BIRC6: variants seen among roughly 807,000 people sequenced by gnomAD.
BIRC6 encodes the protein baculoviral IAP repeat containing 6, also known as dual E2 ubiquitin-conjugating enzyme/E3 ubiquitin-protein ligase BIRC6.
A neutral mutation model predicts 503.3 loss-of-function variants in BIRC6; 98 were observed. The observed-to-expected ratio is 0.19, with a 90% CI of 0.17 to 0.23. The LOEUF (loss-of-function observed/expected upper bound fraction) is 0.23, where lower values mean the gene tolerates loss of function less well. Ranked by LOEUF, BIRC6 falls within the 10% of genes least tolerant of loss-of-function variation. The probability of loss-of-function intolerance (pLI) is 1.00; values close to 1 mark genes in which losing one functional copy is unlikely to be tolerated. For missense variants in BIRC6, 5,360 were observed against 5,806.0 expected (o/e 0.92, Z 2.50); for synonymous variants, 2,240 against 2,078.7 (o/e 1.08, Z -2.11).
chr2:32,500,435 T>TC (rs1248822582), intron 46 of BIRC6, among the ~76,000 whole-genome samples: 3 of 150,628 alleles, frequency 2.0e-5, no homozygotes, highest in Non-Finnish European at 4.4e-5. Flanking sequence ...TTTTTTTTTT[T>TC]TACCCCGAGC....
chr2:32,602,168 C>T (rs773776196), intron 70 of BIRC6, among the ~76,000 whole-genome samples: 1 of 152,078 alleles, frequency 6.6e-6, no homozygotes. Flanking sequence ...TACAGAATAG[C>T]CAAGATACAG....
chr2:32,565,286 A>C (rs2059460476), intron 65 of BIRC6: 1 of 152,226 alleles, frequency 6.6e-6, no homozygotes, highest in African/African-American at 2.4e-5. Flanking sequence ...AGAAAGAGGA[A>C]GTTAGACACT....
At chr2:32,599,623 G>A in intron 69 of BIRC6, 116 bp from the exon 70 acceptor site, 1 of 1,028,666 alleles carries the variant, frequency 9.7e-7, no homozygotes. Flanking sequence ...GGGCGACAGA[G>A]TGGGACTCCA....
At chr2:32,602,771 CATATA>C (rs1281996451) in intron 70 of BIRC6, 1 of 417,866 alleles carries the variant, frequency 2.4e-6, no homozygotes, top group Non-Finnish European at 4.2e-6. Context: ...TTTGTGTTGA[CATATA>C]ATAGGTGCTG....
At chr2:32,557,121 A>T (rs1039295520) in intron 65 of BIRC6, among the ~76,000 whole-genome samples, 2 of 152,192 alleles carry the variant, frequency 1.3e-5, no homozygotes, top group Non-Finnish European at 2.9e-5. Context: ...TATCTTTACA[A>T]CTGCTTAACT....
At chr2:32,559,615 C>A (rs2059014807) in intron 65 of BIRC6, among the ~76,000 whole-genome samples, 2 of 151,104 alleles carry the variant, frequency 1.3e-5, no homozygotes. Context: ...ACCACCGGTA[C>A]ACATTAATTT....
intron 59 of BIRC6, chr2:32,527,362 C>G (rs1272255875): frequency 3.9e-5 from 6 of 152,204 alleles, no homozygotes; most frequent in Non-Finnish European, 8.8e-5. Context: ...AATGTTTATG[C>G]CATGTACTTT....
intron 37 of BIRC6, among the ~76,000 whole-genome samples, chr2:32,479,908 T>A (rs188099225): frequency 2.2e-3 from 339 of 152,290 alleles, no homozygotes; most frequent in South Asian, 6.8e-3. Context: ...AGACAGCAGT[T>A]TTAAAAGCTC....
Position 32,478,759 on chromosome 2 carries a change from C to G in BIRC6, c.7193C>G (p.Ser2398Cys). The G allele has an allele frequency of 6.2e-7, 1 of 1,613,816 alleles. No homozygotes were observed. The highest frequency in any genetic ancestry group is 1.1e-5 in the South Asian group (1 of 91,056). ...VGTDFNRGDI[S>C]WGGAWAQYSL... Reference sequence around the variant, plus strand: ...ACTGACTTCAATAGAGGAGATATATCTTGGGGTGGTGCTTGGGCTCAGTAT... The same window carrying G: ...ACTGACTTCAATAGAGGAGATATATGTTGGGGTGGTGCTTGGGCTCAGTAT... Residue 2398 changes from serine to cysteine, a missense_variant, in exon 36 of 74, where the codon TCT (serine) becomes TGT (cysteine). By Grantham distance (112) the Ser-to-Cys change is moderately radical (BLOSUM62 -1). Transcript: ENST00000421745.
chr2:32,588,668 T>TGAG (rs1379188860), intron 66 of BIRC6, among the ~76,000 whole-genome samples: 2 of 152,196 alleles, frequency 1.3e-5, no homozygotes, highest in East Asian at 3.8e-4. Context: ...TCCCCATTTA[T>TGAG]GAGTATTGTT....
At chr2:32,573,854 TA>T (rs1287500306) in intron 65 of BIRC6, among the ~76,000 whole-genome samples, 58 of 152,356 alleles carry the variant, frequency 3.8e-4, no homozygotes, top group Non-Finnish European at 7.5e-4. Context: ...CAATTTAGTT[TA>T]AAAAAGTTTC....
chr2:32,399,054 A>G (rs1441257586), intron 6 of BIRC6, among the ~76,000 whole-genome samples: 5 of 152,110 alleles, frequency 3.3e-5, no homozygotes, highest in Non-Finnish European at 5.9e-5. Context: ...ATGGTTCTTT[A>G]AGAAACATTT....
intron 45 of BIRC6, among the ~76,000 whole-genome samples, chr2:32,494,332 A>C (rs1219245991): frequency 6.6e-6 from 1 of 151,476 alleles, no homozygotes; most frequent in African/African-American, 2.4e-5. Flanking sequence ...GGTTGAAGCG[A>C]TTCTCATGCC....
At chr2:32,613,840 C>T (rs1312594047) in intron 73 of BIRC6, among the ~76,000 whole-genome samples, 1 of 151,704 alleles carries the variant, frequency 6.6e-6, no homozygotes, top group Non-Finnish European at 1.5e-5. Context: ...TTTCTTTTTT[C>T]CTGAGCAATT....
intron 10 of BIRC6, among the ~76,000 whole-genome samples, chr2:32,427,629 C>A (rs2043670675): frequency 6.6e-6 from 1 of 151,770 alleles, no homozygotes; most frequent in African/African-American, 2.4e-5. Context: ...GTCGTTTATA[C>A]CATTATTTCC....
chr2:32,476,302 A>G lies in BIRC6; in HGVS notation c.6810A>G (p.Lys2270=). 1 of 1,573,806 alleles carries G rather than the reference A, an allele frequency of 6.4e-7. No individual in the cohort carries two copies. Among genetic ancestry groups the G allele is most frequent in the South Asian group, 1.2e-5 (1 of 85,554 alleles). ...AAAGTAACAAAGGATCATCATATAA[A>G]CTCCTGGTAGAACAAGCAAAACTAA... ...KIQSNKGSSY[K]LLVEQAKLKQ... The change falls in exon 34 of 74, where the codon AAA becomes AAG. Residue 2270 remains lysine, a synonymous_variant. Coordinates refer to ENST00000421745, the MANE Select transcript of BIRC6 (RefSeq NM_016252.4).
At chr2:32,574,463 T>C (rs574142868) in intron 65 of BIRC6, 1 of 152,548 alleles carries the variant, frequency 6.6e-6, no homozygotes, top group East Asian at 1.9e-4. Context: ...CCTAATAGCC[T>C]ACTGTTGACT....
chr2:32,425,538 TA>T lies in BIRC6; in HGVS notation c.2873-3607del, dbSNP rs531438603. On this transcript the variant is annotated intron_variant, in intron 10 of 73. Coordinates refer to ENST00000421745, the MANE Select transcript of BIRC6 (RefSeq NM_016252.4). Reference sequence around the variant, plus strand: ...GAACTTTCTGAGTATTGTAATGTGGTACCTCTAGAAATCTTATTCTCTCACT... The same window carrying T: ...GAACTTTCTGAGTATTGTAATGTGGTCCTCTAGAAATCTTATTCTCTCACT... 2.0e-4 allele frequency among the ~76,000 whole-genome samples: 31 copies of T among 152,146 alleles called. No homozygotes were observed. In the South Asian group the frequency reaches 6.4e-3, roughly 32 times the overall value.
Position 32,597,925 on chromosome 2 carries a change from G to C in BIRC6, c.13787G>C (p.Ser4596Thr). 1 of 1,613,530 alleles carries C rather than the reference G, an allele frequency of 6.2e-7. No individual in the cohort carries two copies. The highest frequency in any genetic ancestry group is 8.5e-7 in the Non-Finnish European group (1 of 1,179,868). ...TCACTGCCTCTGTCTTCATCCTCTA[G>C]TGTGTTTGTACGCTGTGATGAGGAG... is the stretch of plus-strand genomic sequence containing the variant. ...STSLPLSSSSSVFVRCDEERL... is the reference protein window; with the variant it reads ...STSLPLSSSSTVFVRCDEERL... Residue 4596 changes from serine to threonine, a missense_variant, in exon 69 of 74, where the codon AGT becomes ACT. Transcript: ENST00000421745.
Sources: allele counts gnomAD v4.1 joint callset (sites outside exome capture counted in the v4.1 genomes callset), GRCh38; gene constraint gnomAD v4.1.1; transcripts MANE v1.5; gene names NCBI Gene and HGNC (gene_info 2026-07-23, HGNC 2026-07-21).